Variants in CHST7 observed in about 807,000 individuals in gnomAD.
CHST7 encodes the protein carbohydrate sulfotransferase 7.
A neutral mutation model predicts 9.0 loss-of-function variants in CHST7; 5 were observed. That is an observed-to-expected ratio of 0.56 (90% CI 0.29 to 1.17). CHST7 has a LOEUF of 1.17. Ranked by LOEUF, CHST7 falls within the 50% of genes most tolerant of loss-of-function variation. The pLI is 0.08. For synonymous variants in CHST7, 244 were observed against 237.1 expected (o/e 1.03, Z -0.27); for missense variants, 377 against 485.1 (o/e 0.78, Z 2.09).
chrX:46,578,282 T>TTTTTTC (rs1942508877), intron 1 of CHST7, among the ~76,000 whole-genome samples: 1 of 86,705 alleles, frequency 1.2e-5, no homozygotes, highest in Non-Finnish European at 2.2e-5. Flanking sequence ...TTTTTTTTTT[T>TTTTTTC]TTTTTTTTTT....
At chrX:46,589,531 CAGAG>C (rs1287180866) in intron 1 of CHST7, among the ~76,000 whole-genome samples, 1 of 103,809 alleles carries the variant, frequency 9.6e-6, no homozygotes, top group Non-Finnish European at 2.0e-5. Flanking sequence ...GCCTGGGCGA[CAGAG>C]AGAGACTCTG....
At position 46,581,831 on chromosome X, in the gene CHST7, G is replaced by A. The variant is rs182300632; in HGVS notation, c.*31+6408G>A. Among the ~76,000 whole-genome samples, 74 of 110,850 alleles carry A rather than the reference G, an allele frequency of 6.7e-4. 1 individual carries two copies. The highest frequency in any genetic ancestry group is 2.4e-3 in the African/African-American group (72 of 30,535). On this transcript the variant is annotated intron_variant, in intron 1 of 1. Coordinates refer to ENST00000276055, the MANE Select transcript of CHST7 (RefSeq NM_019886.4). ...GCTGGTCTCGAACTCCTGACCTCAG[G>A]TGATCTGCCCGCCTCAGCCTCCCAA...
intron 1 of CHST7, among the ~76,000 whole-genome samples, chrX:46,596,432 C>T (rs1942594383): frequency 1.8e-5 from 2 of 110,267 alleles, no homozygotes; most frequent in Admixed American, 9.7e-5. Context: ...GTTTATAATC[C>T]CTGGGTCTGG....
At chrX:46,596,666 T>A (rs12011965) in intron 1 of CHST7, among the ~76,000 whole-genome samples, 13 of 110,068 alleles carry the variant, frequency 1.2e-4, no homozygotes, top group Non-Finnish European at 1.7e-4. Flanking sequence ...TAGAAAGGGG[T>A]TGGGCACAGT....
chrX:46,587,764 G>C (rs1488405284), intron 1 of CHST7, among the ~76,000 whole-genome samples: 1 of 112,151 alleles, frequency 8.9e-6, no homozygotes, highest in African/African-American at 3.2e-5. Flanking sequence ...CGTTTTCCTT[G>C]GCACTGTAGT....
chrX:46,592,040 C>T (rs1246183787), intron 1 of CHST7, among the ~76,000 whole-genome samples: 1 of 112,000 alleles, frequency 8.9e-6, no homozygotes, highest in African/African-American at 3.2e-5. Flanking sequence ...CAGCAAAGGA[C>T]GTGAATGAGA....
chrX:46,580,062 T>A (rs1942517807), intron 1 of CHST7, among the ~76,000 whole-genome samples: 1 of 23,535 alleles, frequency 4.2e-5, no homozygotes, highest in Non-Finnish European at 6.4e-5. Context: ...ATGGGCATTT[T>A]TTTTTTTTTT....
In CHST7 at chrX:46,574,143, C is replaced by T; in HGVS notation, c.212C>T (p.Ala71Val). ...GGCGAACGCGAGCAGGGAGCGGAGG[C>T]GCGGGCCGCCGAGGAAGGGGGCGCG... ...AAGEREQGAE[A>V]RAAEEGGANQ... is the part of the protein sequence containing the mutation. Residue 71 changes from alanine (A) to valine (V), a missense_variant, in exon 1 of 2, where the codon GCG (alanine) becomes GTG (valine). This residue lies in a region of CHST7 where 239 missense variants were observed against 325.7 expected (regional missense o/e 0.73). Transcript: ENST00000276055. The T allele has an allele frequency of 8.6e-7, 1 of 1,164,880 alleles. No individual in the cohort carries two copies. Among genetic ancestry groups the T allele is most frequent in the Non-Finnish European group, 1.1e-6 (1 of 872,045 alleles).
intron 1 of CHST7, among the ~76,000 whole-genome samples, chrX:46,595,163 G>A (rs1942588227): frequency 8.9e-6 from 1 of 112,310 alleles, no homozygotes; most frequent in Non-Finnish European, 1.9e-5. Flanking sequence ...TGTTTGTAAT[G>A]GCTAATTGAG....
At chrX:46,579,332 A>T (rs1294556356) in intron 1 of CHST7, among the ~76,000 whole-genome samples, 1 of 111,900 alleles carries the variant, frequency 8.9e-6, no homozygotes, top group East Asian at 2.8e-4. Context: ...CTCATTATCT[A>T]ATTATCTAAT....
At chrX:46,578,777 T>A (rs1469041851) in intron 1 of CHST7, among the ~76,000 whole-genome samples, 1 of 110,554 alleles carries the variant, frequency 9.0e-6, no homozygotes, top group Non-Finnish European at 1.9e-5. Context: ...CCGACGTCCC[T>A]TTATGTCTCA....
At chrX:46,575,915 T>G (rs1942497382) in intron 1 of CHST7, among the ~76,000 whole-genome samples, 1 of 111,825 alleles carries the variant, frequency 8.9e-6, no homozygotes, top group Non-Finnish European at 1.9e-5. Context: ...GAGAGTTTGG[T>G]GGAAAGGCAT....
At chrX:46,579,030 A>T (rs1942513081) in intron 1 of CHST7, among the ~76,000 whole-genome samples, 1 of 111,503 alleles carries the variant, frequency 9.0e-6, no homozygotes, top group African/African-American at 3.3e-5. Flanking sequence ...AGCTCCCCAG[A>T]TGATCCTACT....
chrX:46,597,632 T>A (rs1447578993), intron 1 of CHST7, 128 bp from the exon 2 acceptor site: 2 of 112,558 alleles, frequency 1.8e-5, no homozygotes, highest in Non-Finnish European at 3.8e-5. Context: ...TGATACTGAT[T>A]CGGTATGGGT....
At chrX:46,590,796 T>G (rs1942569898) in intron 1 of CHST7, among the ~76,000 whole-genome samples, 1 of 111,897 alleles carries the variant, frequency 8.9e-6, no homozygotes, top group African/African-American at 3.3e-5. Flanking sequence ...AGCTAGTCCA[T>G]CAACACAAAA....
intron 1 of CHST7, among the ~76,000 whole-genome samples, chrX:46,582,931 A>G (rs895434828): frequency 3.1e-5 from 3 of 97,346 alleles, no homozygotes; most frequent in African/African-American, 1.2e-4. Context: ...GGCAGGATTC[A>G]GACGGTTTTC....
rs1942494433 is a variant in CHST7, at chrX:46,575,399, A to G, written c.*7A>G. 9.7e-7 allele frequency: 1 copy of G among 1,029,167 alleles called. No individual in the cohort carries two copies. Among genetic ancestry groups the G allele is most frequent in the Non-Finnish European group, 1.2e-6 (1 of 810,170 alleles). The allele number at this position is 1,029,167 out of a possible 1,213,427, so 84.8% of individuals were successfully genotyped here. On this transcript the variant is annotated 3_prime_UTR_variant, in exon 1 of 2. Transcript: ENST00000276055. The stretch of plus-strand genomic sequence containing the variant: ...TGCCGACGGCGCCACGTAGCCTCCC[A>G]TCCCTGTCCCCGGCACGGATCCGGG...
At chrX:46,590,522 A>G (rs1017440138) in intron 1 of CHST7, among the ~76,000 whole-genome samples, 1 of 111,464 alleles carries the variant, frequency 9.0e-6, no homozygotes, top group African/African-American at 3.3e-5. Flanking sequence ...AGCTATGATC[A>G]CGCCACTGCA....
chrX:46,579,314 G>T (rs1942514197), intron 1 of CHST7, among the ~76,000 whole-genome samples: 1 of 112,243 alleles, frequency 8.9e-6, no homozygotes, highest in South Asian at 3.7e-4. Context: ...ATGCTTTGTT[G>T]TCTGTAGCTC....
Sources: gnomAD v4.1 joint callset for allele counts (sites outside exome capture counted in the v4.1 genomes callset) on GRCh38, gnomAD v4.1.1 for gene constraint, gnomAD v4.1.1 regional missense constraint, MANE v1.5 for transcripts, NCBI Gene and HGNC (gene_info 2026-07-23, HGNC 2026-07-21) for gene names.